CAPZA1: variants seen among roughly 807,000 people sequenced by gnomAD.
CAPZA1 encodes F-actin-capping protein subunit alpha-1.
Under a neutral mutation model 40.8 loss-of-function variants are expected in CAPZA1, and 10 were observed. The observed-to-expected ratio is 0.25, with a 90% CI of 0.15 to 0.42. The LOEUF is 0.42. CAPZA1 is among the 10% of genes least tolerant of loss of function. The pLI is 1.00. For missense variants in CAPZA1, 277 were observed against 353.8 expected (o/e 0.78, Z 1.74); for synonymous variants, 98 against 115.0 (o/e 0.85, Z 0.95).
intron 1 of CAPZA1, among the ~76,000 whole-genome samples, chr1:112,627,739 T>A (rs1219982465): frequency 6.7e-6 from 1 of 149,884 alleles, no homozygotes; most frequent in African/African-American, 2.5e-5. Context: ...GGCAGGCGGA[T>A]CACCTGAGGC....
At chr1:112,646,707 G>C (rs1197023841) in intron 1 of CAPZA1, 1 of 150,102 alleles carries the variant, frequency 6.7e-6, no homozygotes, top group Non-Finnish European at 1.5e-5. Flanking sequence ...TAATAGTTTT[G>C]GTTTTTTATG....
chr1:112,620,981 C>T (rs1670629923), intron 1 of CAPZA1, among the ~76,000 whole-genome samples: 1 of 151,688 alleles, frequency 6.6e-6, no homozygotes, highest in South Asian at 2.1e-4. Flanking sequence ...TGTAAATCTA[C>T]CTGGGTGTTT....
chr1:112,653,573 TTAA>T (rs745855541), intron 3 of CAPZA1, 22 bp from the exon 4 acceptor site: 263 of 1,293,922 alleles, frequency 2.0e-4, no homozygotes, highest in South Asian at 3.9e-4. Flanking sequence ...TTTTTTTTTT[TTAA>T]AAAACTTTTA....
chr1:112,643,314 T>A (rs1416199813), intron 1 of CAPZA1, among the ~76,000 whole-genome samples: 1 of 152,186 alleles, frequency 6.6e-6, no homozygotes, highest in African/African-American at 2.4e-5. Context: ...TTTTGCTCAG[T>A]TAATATAAGG....
intron 6 of CAPZA1, 78 bp from the exon 7 acceptor site, chr1:112,659,623 C>A (rs1358423292): frequency 1.7e-5 from 18 of 1,086,882 alleles, no homozygotes; most frequent in Non-Finnish European, 2.3e-5. Flanking sequence ...TCTTTCCCAA[C>A]TTCTGTACCT....
chr1:112,631,510 G>GA (rs1269730383), intron 1 of CAPZA1, among the ~76,000 whole-genome samples: 14 of 149,702 alleles, frequency 9.4e-5, no homozygotes, highest in East Asian at 1.9e-4. Flanking sequence ...TGATTTTGAG[G>GA]AAAAAAAAAA....
intron 3 of CAPZA1, 130 bp downstream of exon 3, chr1:112,649,599 G>T: frequency 4.0e-6 from 3 of 754,732 alleles, no homozygotes; most frequent in Middle Eastern, 2.3e-4. Flanking sequence ...AGCAATTTTC[G>T]TTGTTTTTTT....
At position 112,642,202 on chromosome 1, in the gene CAPZA1, C is replaced by CTT. The variant is rs770352173; in HGVS notation, c.40-4981_40-4980dup. ...ACAGCCTCTGAAGACTACCCCGCAC[C>CTT]TTTTTTTTTTTTTTTTTTTTTTTTT... On this transcript the variant is annotated intron_variant, in intron 1 of 9. Coordinates refer to ENST00000263168, the MANE Select transcript of CAPZA1 (RefSeq NM_006135.3). Among the ~76,000 whole-genome samples, 21 of 59,078 alleles carry CTT rather than the reference C, an allele frequency of 3.6e-4. 2 individuals are homozygous for CTT. The highest frequency in any genetic ancestry group is 9.1e-4 in the South Asian group (1 of 1,094). The allele number at this position is 59,078 out of a possible 152,430, so 38.8% of individuals were successfully genotyped here.
At chr1:112,635,685 G>T (rs1472621840) in intron 1 of CAPZA1, among the ~76,000 whole-genome samples, 2 of 151,862 alleles carry the variant, frequency 1.3e-5, no homozygotes, top group Non-Finnish European at 2.9e-5. Context: ...GCATCTGAAA[G>T]TGCTGGGATT....
intron 1 of CAPZA1, among the ~76,000 whole-genome samples, chr1:112,633,012 C>T (rs1401154827): frequency 6.6e-6 from 1 of 152,192 alleles, no homozygotes; most frequent in East Asian, 1.9e-4. Context: ...TTTCTAAGTA[C>T]ATTCTGTGTA....
chr1:112,643,043 A>G (rs781735521), intron 1 of CAPZA1, among the ~76,000 whole-genome samples: 2 of 152,120 alleles, frequency 1.3e-5, no homozygotes, highest in Non-Finnish European at 2.9e-5. Flanking sequence ...ATGCACCTTG[A>G]CAGAAAGGGG....
intron 6 of CAPZA1, 115 bp from the exon 7 acceptor site, chr1:112,659,585 TC>T (rs199887112): frequency 0.071 from 24,517 of 346,150 alleles, 126 homozygotes; most frequent in South Asian, 0.11. Flanking sequence ...TCTCTCTCTC[TC>T]TTTTTTTTTT....
At chr1:112,642,996 A>T (rs965314019) in intron 1 of CAPZA1, among the ~76,000 whole-genome samples, 2 of 152,126 alleles carry the variant, frequency 1.3e-5, no homozygotes, top group African/African-American at 2.4e-5. Context: ...CACACACTTG[A>T]CCGAGGAGTT....
At chr1:112,645,701 AAAAT>A (rs1324847747) in intron 1 of CAPZA1, among the ~76,000 whole-genome samples, 2 of 151,336 alleles carry the variant, frequency 1.3e-5, no homozygotes, top group African/African-American at 4.9e-5. Context: ...TATACACACT[AAAAT>A]AAATTGCTTT....
At chr1:112,656,466 T>C (rs4604691) in intron 5 of CAPZA1, among the ~76,000 whole-genome samples, 1,575 of 94,018 alleles carry the variant, frequency 0.017, 139 homozygotes, top group South Asian at 0.035. Flanking sequence ...TTTTTTTTTT[T>C]AATGAGAATA....
intron 1 of CAPZA1, among the ~76,000 whole-genome samples, chr1:112,641,886 C>CAA (rs56057393): frequency 0.038 from 3,705 of 98,028 alleles, 184 homozygotes; most frequent in African/African-American, 0.13. Context: ...GAGACTGTCT[C>CAA]AAAAAAAAAA....
chr1:112,628,458 T>C (rs1670857916), intron 1 of CAPZA1, among the ~76,000 whole-genome samples: 1 of 152,206 alleles, frequency 6.6e-6, no homozygotes, highest in Non-Finnish European at 1.5e-5. Flanking sequence ...TAGAAGGAAC[T>C]AAGTTCTTTT....
chr1:112,644,672 G>A (rs561309791), intron 1 of CAPZA1, among the ~76,000 whole-genome samples: 155 of 152,218 alleles, frequency 1.0e-3, no homozygotes, highest in African/African-American at 3.5e-3. Context: ...CTACCTTAGG[G>A]AGTTGAATCA....
At chr1:112,630,406 C>T (rs528588820) in intron 1 of CAPZA1, among the ~76,000 whole-genome samples, 1 of 151,988 alleles carries the variant, frequency 6.6e-6, no homozygotes, top group South Asian at 2.1e-4. Context: ...TGCAGTGGTG[C>T]CATCTCGGCT....
Sources: allele counts gnomAD v4.1 joint callset (sites outside exome capture counted in the v4.1 genomes callset), GRCh38; gene constraint gnomAD v4.1.1; transcripts MANE v1.5; gene names NCBI Gene and HGNC (gene_info 2026-07-23, HGNC 2026-07-21).